Variants in FRMPD1 observed in about 807,000 individuals in gnomAD.
FRMPD1 encodes the protein FERM and PDZ domain-containing protein 1.
A neutral mutation model predicts 117.8 loss-of-function variants in FRMPD1; 76 were observed. The observed-to-expected ratio is 0.65, with a 90% CI of 0.54 to 0.78. The LOEUF (loss-of-function observed/expected upper bound fraction) is 0.78, where lower values mean the gene tolerates loss of function less well. Among genes scored for constraint, FRMPD1 ranks in the 30% least tolerant of loss-of-function variants. The probability of loss-of-function intolerance (pLI) is 0.00; values close to 1 mark genes in which losing one functional copy is unlikely to be tolerated. For missense variants in FRMPD1, 1,786 were observed against 1,964.5 expected (o/e 0.91, Z 1.72); for synonymous variants, 783 against 770.4 (o/e 1.02, Z -0.27).
At chr9:37,699,673 G>T (rs79509826) in intron 2 of FRMPD1, among the ~76,000 whole-genome samples, 3,860 of 152,196 alleles carry the variant, frequency 0.025, 86 homozygotes, top group South Asian at 0.079. Context: ...TTTATAGAGC[G>T]AGATCTAAAG....
chr9:37,745,309 G>A lies in FRMPD1; in HGVS notation c.3277G>A (p.Glu1093Lys). The A allele has an allele frequency of 1.2e-6, 2 of 1,607,044 alleles. No individual in the cohort carries two copies. The highest frequency in any genetic ancestry group is 1.7e-6 in the Non-Finnish European group (2 of 1,173,540). ...TGATGAATGTGGAATAAATCCAGGA[G>A]AGAAGATAGCTTCTATCCCTACAAA... ...RSDECGINPG[E>K]KIASIPTKEE... The change falls in exon 16 of 16, where the codon GAG (glutamate) becomes AAG (lysine). Residue 1093 changes from glutamate to lysine, a missense_variant. Physicochemically the swap from Glu to Lys is moderately conservative, Grantham distance 56. Coordinates refer to ENST00000377765, the MANE Select transcript of FRMPD1 (RefSeq NM_014907.3).
chr9:37,716,140 A>G (rs1823109312), intron 5 of FRMPD1, among the ~76,000 whole-genome samples: 1 of 152,194 alleles, frequency 6.6e-6, no homozygotes, highest in African/African-American at 2.4e-5. Flanking sequence ...TGCACCAAGA[A>G]CGCTAGTAAA....
intron 1 of FRMPD1, among the ~76,000 whole-genome samples, chr9:37,660,346 G>A (rs1460327915): frequency 3.3e-5 from 5 of 152,114 alleles, no homozygotes; most frequent in African/African-American, 9.7e-5. Flanking sequence ...CATTTGAACC[G>A]AGCCCTAGTG....
Position 37,746,148 on chromosome 9 carries a change from G to A in FRMPD1, c.4116G>A (p.Ala1372=), listed in dbSNP as rs148788040. Residue 1372 remains alanine (A), a synonymous_variant, in exon 16 of 16, where the codon GCG becomes GCA. Coordinates refer to ENST00000377765, the MANE Select transcript of FRMPD1 (RefSeq NM_014907.3). ...PMAPLTSPPS[A]GSPVVLPWRP... ...CCCCCCTCACCTCACCGCCCTCTGC[G>A]GGAAGCCCGGTGGTTCTGCCCTGGA... 5.0e-4 allele frequency: 802 copies of A among 1,613,896 alleles called. 7 individuals are homozygous for A. The highest frequency in any genetic ancestry group is 2.4e-3 in the South Asian group (223 of 91,082).
At chr9:37,730,935 AG>A in intron 8 of FRMPD1, 48 bp from the exon 9 acceptor site, 3 of 1,605,088 alleles carry the variant, frequency 1.9e-6, no homozygotes, top group Non-Finnish European at 2.6e-6. Flanking sequence ...AATGACTGCA[AG>A]GACAAAGGCA....
the FRMPD1 span, among the ~76,000 whole-genome samples, chr9:37,624,372 A>G: frequency 2.0e-5 from 3 of 152,234 alleles, no homozygotes; most frequent in African/African-American, 7.2e-5. Context: ...CAATGGGCAG[A>G]AATACACATG....
chr9:37,725,188 C>A (rs888368462), intron 7 of FRMPD1, among the ~76,000 whole-genome samples: 1 of 152,186 alleles, frequency 6.6e-6, no homozygotes, highest in African/African-American at 2.4e-5. Context: ...TGCCAGGCAA[C>A]AATAGAGCTT....
the FRMPD1 span, chr9:37,637,057 C>A: frequency 1.3e-6 from 2 of 1,547,152 alleles, no homozygotes; most frequent in African/African-American, 1.4e-5. Flanking sequence ...CATGAGCCCC[C>A]CGGTAGTAGC....
At chr9:37,646,137 C>T (rs1824135741), upstream of FRMPD1, among the ~76,000 whole-genome samples, 1 of 152,134 alleles carries the variant, frequency 6.6e-6, no homozygotes, top group Non-Finnish European at 1.5e-5. Context: ...TCCAGTAGTC[C>T]CTGAGTCTTG....
At chr9:37,616,420 A>T in the FRMPD1 span, among the ~76,000 whole-genome samples, 14 of 152,270 alleles carry the variant, frequency 9.2e-5, no homozygotes, top group East Asian at 2.7e-3. Flanking sequence ...CCCGGCCCAC[A>T]TCTGTTGTTT....
At chr9:37,636,859 G>A in the FRMPD1 span, 1 of 1,611,218 alleles carries the variant, frequency 6.2e-7, no homozygotes, top group African/African-American at 1.3e-5. Context: ...CCAAGAAGGG[G>A]ATGCCCAAAG....
chr9:37,700,538 G>T (rs966340336), intron 2 of FRMPD1, among the ~76,000 whole-genome samples: 3 of 152,176 alleles, frequency 2.0e-5, no homozygotes, highest in African/African-American at 7.2e-5. Context: ...ATTCTTTGTT[G>T]TTACAGGATA....
At chr9:37,685,601 G>A (rs987077978) in intron 1 of FRMPD1, among the ~76,000 whole-genome samples, 32 of 151,918 alleles carry the variant, frequency 2.1e-4, no homozygotes, top group East Asian at 1.2e-3. Context: ...GCGGTGAGCC[G>A]AGATCTTGCC....
intron 2 of FRMPD1, among the ~76,000 whole-genome samples, chr9:37,705,531 A>G (rs1822672592): frequency 6.6e-6 from 1 of 152,148 alleles, no homozygotes; most frequent in African/African-American, 2.4e-5. Context: ...TCTGGGACTC[A>G]AGTGATTAGC....
chr9:37,660,654 C>T (rs574999858), intron 1 of FRMPD1, among the ~76,000 whole-genome samples: 20 of 152,270 alleles, frequency 1.3e-4, no homozygotes, highest in Middle Eastern at 3.4e-3. Flanking sequence ...AAAATATCCC[C>T]ACATCAAAAT....
At chr9:37,637,964 C>CTTTTTTTTCTTTCTTTCTT in the FRMPD1 span, among the ~76,000 whole-genome samples, 1 of 32,152 alleles carries the variant, frequency 3.1e-5, no homozygotes, top group Non-Finnish European at 7.7e-5. Context: ...ATGGTGTATG[C>CTTTTTTTTCTTTCTTTCTT]TTTCTTTCTT....
intron 2 of FRMPD1, among the ~76,000 whole-genome samples, chr9:37,697,278 C>A (rs1233403769): frequency 6.6e-6 from 1 of 152,112 alleles, no homozygotes; most frequent in Non-Finnish European, 1.5e-5. Context: ...GGAAAAATAA[C>A]ATTTACAGTA....
chr9:37,614,322 G>C, the FRMPD1 span, among the ~76,000 whole-genome samples: 2 of 152,318 alleles, frequency 1.3e-5, no homozygotes, highest in Admixed American at 6.5e-5. Context: ...TGCATATAGG[G>C]AAGAAATGGG....
At chr9:37,664,609 T>C (rs1821104865) in intron 1 of FRMPD1, among the ~76,000 whole-genome samples, 1 of 152,176 alleles carries the variant, frequency 6.6e-6, no homozygotes. Context: ...CTGAGGATGA[T>C]GGTTTCCAGC....
Sources: allele counts gnomAD v4.1 joint callset (sites outside exome capture counted in the v4.1 genomes callset), GRCh38; gene constraint gnomAD v4.1.1; transcripts MANE v1.5; gene names NCBI Gene and HGNC (gene_info 2026-07-23, HGNC 2026-07-21).